Variants in GPC5 observed in about 807,000 individuals in gnomAD.
The protein encoded by GPC5 is glypican 5.
Under a neutral mutation model 53.9 loss-of-function variants are expected in GPC5, and 47 were observed. The observed-to-expected ratio is 0.87, with a 90% CI of 0.69 to 1.11. GPC5 has a LOEUF of 1.11. Ranked by LOEUF, GPC5 falls within the 50% of genes most tolerant of loss-of-function variation. The probability of loss-of-function intolerance (pLI) is 0.00; values close to 1 mark genes in which losing one functional copy is unlikely to be tolerated. For synonymous variants in GPC5, 286 were observed against 263.3 expected, an observed-to-expected ratio of 1.09 and a Z score of -0.84; for missense variants, 748 against 713.1, an observed-to-expected ratio of 1.05 and a Z score of -0.56.
intron 6 of GPC5, among the ~76,000 whole-genome samples, chr13:91,968,308 G>T (rs564756973): frequency 1.6e-4 from 25 of 151,876 alleles, no homozygotes; most frequent in African/African-American, 5.5e-4. Flanking sequence ...GTGGTACATA[G>T]TATCAGATAA....
At chr13:91,572,050 T>TGTATATATACGTGTATATACACAC (rs1271076957) in intron 2 of GPC5, among the ~76,000 whole-genome samples, 1 of 46,482 alleles carries the variant, frequency 2.2e-5, no homozygotes, top group Non-Finnish European at 3.7e-5. Flanking sequence ...TATACACACA[T>TGTATATATACGTGTATATACACAC]ATGTATATAT....
intron 2 of GPC5, among the ~76,000 whole-genome samples, chr13:91,514,981 C>A (rs1332758235): frequency 6.6e-6 from 1 of 152,196 alleles, no homozygotes; most frequent in Non-Finnish European, 1.5e-5. Context: ...GAATCATTTA[C>A]ATTTTAAGTG....
intron 2 of GPC5, among the ~76,000 whole-genome samples, chr13:91,505,479 T>C (rs573999931): frequency 3.1e-4 from 47 of 152,334 alleles, no homozygotes; most frequent in African/African-American, 1.1e-3. Flanking sequence ...GGACATGATG[T>C]GACTTTGTCC....
intron 6 of GPC5, among the ~76,000 whole-genome samples, chr13:92,125,916 GTTT>G (rs2041690701): frequency 3.2e-5 from 1 of 31,296 alleles, no homozygotes; most frequent in Non-Finnish European, 7.6e-5. Context: ...GGAAACATTT[GTTT>G]TTTGGTTTTT....
At chr13:91,771,159 A>G (rs1334949479) in intron 5 of GPC5, among the ~76,000 whole-genome samples, 1 of 152,238 alleles carries the variant, frequency 6.6e-6, no homozygotes, top group African/African-American at 2.4e-5. Context: ...AAATTAGGCA[A>G]AGTGCATGAA....
intron 2 of GPC5, among the ~76,000 whole-genome samples, chr13:91,620,917 G>A (rs770688753): frequency 1.3e-5 from 2 of 152,074 alleles, no homozygotes; most frequent in Non-Finnish European, 2.9e-5. Flanking sequence ...GACAATACTT[G>A]GAATTTTGTG....
At chr13:92,456,924 G>T (rs1196930094) in intron 7 of GPC5, among the ~76,000 whole-genome samples, 1 of 152,050 alleles carries the variant, frequency 6.6e-6, no homozygotes, top group Non-Finnish European at 1.5e-5. Context: ...GATGCTGAGG[G>T]TTGGGGTACG....
At chr13:92,475,736 A>C (rs1879093909) in intron 7 of GPC5, among the ~76,000 whole-genome samples, 1 of 152,204 alleles carries the variant, frequency 6.6e-6, no homozygotes, top group Admixed American at 6.5e-5. Flanking sequence ...AACGCTGAAT[A>C]TCTACAGCTA....
intron 6 of GPC5, among the ~76,000 whole-genome samples, chr13:92,028,660 AT>A (rs1461816720): frequency 6.6e-6 from 1 of 152,168 alleles, no homozygotes; most frequent in Non-Finnish European, 1.5e-5. Context: ...GTCTTTTAAT[AT>A]TGAGCACTTC....
chr13:91,844,194 G>T (rs1228771040), intron 5 of GPC5, among the ~76,000 whole-genome samples: 1 of 152,166 alleles, frequency 6.6e-6, no homozygotes. Flanking sequence ...GATTTTGTAA[G>T]AACAGAGTTT....
rs530583339 is a variant in GPC5, at chr13:91,877,603, A to G, written c.1281-30334A>G. ...AACTGTACCTCCACTGTATCTAGGA[A>G]GTAACTAGTTTGCTTTTGATTACAG... On this transcript the variant is annotated intron_variant, in intron 5 of 7. Transcript: ENST00000377067. Among the ~76,000 whole-genome samples the G allele has an allele frequency of 3.0e-3, 456 of 152,326 alleles. 4 individuals carry two copies. The highest frequency in any genetic ancestry group is 0.011 in the African/African-American group (444 of 41,568).
chr13:91,900,339 G>T (rs1307852901), intron 5 of GPC5, among the ~76,000 whole-genome samples: 1 of 151,962 alleles, frequency 6.6e-6, no homozygotes. Flanking sequence ...TTCATATGTT[G>T]GTATCAAACA....
intron 6 of GPC5, among the ~76,000 whole-genome samples, chr13:91,979,969 C>T (rs912486788): frequency 2.0e-5 from 3 of 152,112 alleles, no homozygotes; most frequent in African/African-American, 7.2e-5. Flanking sequence ...CCGCCTTTTA[C>T]TTTATCTTTC....
intron 1 of GPC5, among the ~76,000 whole-genome samples, chr13:91,425,814 C>T (rs1879003756): frequency 6.6e-6 from 1 of 152,124 alleles, no homozygotes; most frequent in African/African-American, 2.4e-5. Context: ...GTTTGGAGGG[C>T]TCAGAAGAAG....
intron 2 of GPC5, among the ~76,000 whole-genome samples, chr13:91,557,644 A>G (rs922678087): frequency 2.0e-5 from 3 of 152,172 alleles, no homozygotes; most frequent in Non-Finnish European, 4.4e-5. Context: ...TTTTAAAAGC[A>G]CTATTCATTC....
chr13:92,021,941 G>A (rs181062202), intron 6 of GPC5, among the ~76,000 whole-genome samples: 4 of 152,188 alleles, frequency 2.6e-5, no homozygotes, highest in Admixed American at 2.6e-4. Context: ...TTTTGCTATA[G>A]TGAGGAACAT....
chr13:92,567,679 GC>G (rs1184249485), intron 7 of GPC5, among the ~76,000 whole-genome samples: 1 of 152,078 alleles, frequency 6.6e-6, no homozygotes, highest in African/African-American at 2.4e-5. Context: ...AGGAATGGGG[GC>G]AGCCTCTAGA....
chr13:92,820,621 T>A (rs958240412), intron 7 of GPC5, among the ~76,000 whole-genome samples: 1 of 152,154 alleles, frequency 6.6e-6, no homozygotes, highest in Non-Finnish European at 1.5e-5. Flanking sequence ...CTCTCCCTTG[T>A]CCCACTTCAA....
At chr13:92,327,078 A>G (rs1420211561) in intron 7 of GPC5, among the ~76,000 whole-genome samples, 1 of 152,054 alleles carries the variant, frequency 6.6e-6, no homozygotes, top group East Asian at 1.9e-4. Context: ...TAGTTTGGTG[A>G]TTTCTAGCAG....
Sources: gnomAD v4.1 joint callset for allele counts (sites outside exome capture counted in the v4.1 genomes callset) on GRCh38, gnomAD v4.1.1 for gene constraint, MANE v1.5 for transcripts, NCBI Gene and HGNC (gene_info 2026-07-23, HGNC 2026-07-21) for gene names.